Variants in CRPPA observed in about 807,000 individuals in gnomAD.
CRPPA encodes CDP-L-ribitol pyrophosphorylase A.
In CRPPA, 43 loss-of-function variants were observed where a neutral mutation model predicts 52.0. That is an observed-to-expected ratio of 0.83 (90% CI 0.65 to 1.07). The LOEUF (loss-of-function observed/expected upper bound fraction) is 1.07, where lower values mean the gene tolerates loss of function less well. Ranked by LOEUF, CRPPA falls within the 50% of genes least tolerant of loss-of-function variation. The pLI, the probability that CRPPA is intolerant of heterozygous loss-of-function variation, is 0.00. For synonymous variants in CRPPA, 250 were observed against 203.5 expected (o/e 1.23, Z -1.94); for missense variants, 629 against 551.7 (o/e 1.14, Z -1.40).
At position 16,271,467 on chromosome 7, in the gene CRPPA, T is replaced by G. The variant is rs141039536; in HGVS notation, c.933+6662A>C. Among the ~76,000 whole-genome samples, 571 of 152,256 alleles carry G rather than the reference T, an allele frequency of 3.8e-3. 5 individuals are homozygous for G. Among genetic ancestry groups the G allele is most frequent in the African/African-American group, 0.013 (530 of 41,564 alleles). ...ATGATAATAGTAGCAACGGTAACAG[T>G]AGAAGTGGTAAACTCAACATAAAAA... On this transcript the variant is annotated intron_variant, in intron 6 of 9. Transcript: ENST00000407010.
At chr7:16,382,476 T>C (rs532539371) in intron 2 of CRPPA, among the ~76,000 whole-genome samples, 1 of 152,268 alleles carries the variant, frequency 6.6e-6, no homozygotes, top group South Asian at 2.1e-4. Flanking sequence ...TATCTTGGAG[T>C]TGCTCTTCTT....
At chr7:16,330,995 G>T (rs1206856677) in intron 3 of CRPPA, among the ~76,000 whole-genome samples, 1 of 151,906 alleles carries the variant, frequency 6.6e-6, no homozygotes, top group Admixed American at 6.6e-5. Context: ...ATGTTTTTTT[G>T]TTTTGTTTTG....
At chr7:16,300,924 A>G (rs947120024) in intron 5 of CRPPA, among the ~76,000 whole-genome samples, 2 of 152,244 alleles carry the variant, frequency 1.3e-5, no homozygotes, top group African/African-American at 2.4e-5. Context: ...GTTATCACAC[A>G]TATGATATCT....
chr7:16,367,076 T>C (rs1786614980), intron 3 of CRPPA, among the ~76,000 whole-genome samples: 1 of 152,192 alleles, frequency 6.6e-6, no homozygotes, highest in Non-Finnish European at 1.5e-5. Context: ...TACTCATTTC[T>C]CTTTATAAAT....
At chr7:16,274,953 T>G (rs2128416924) in intron 6 of CRPPA, among the ~76,000 whole-genome samples, 1 of 152,122 alleles carries the variant, frequency 6.6e-6, no homozygotes, top group South Asian at 2.1e-4. Context: ...CATTATCTAC[T>G]ATAAAACCAA....
At chr7:16,131,752 T>C (rs1782684734) in intron 9 of CRPPA, among the ~76,000 whole-genome samples, 1 of 152,140 alleles carries the variant, frequency 6.6e-6, no homozygotes, top group Non-Finnish European at 1.5e-5. Context: ...AGCTAATTTT[T>C]GTAGTTTTTG....
intron 9 of CRPPA, among the ~76,000 whole-genome samples, chr7:16,170,013 A>C (rs976939538): frequency 3.3e-5 from 5 of 152,196 alleles, no homozygotes; most frequent in Non-Finnish European, 5.9e-5. Flanking sequence ...TTAATCTATT[A>C]GGTTGGTGCA....
intron 9 of CRPPA, among the ~76,000 whole-genome samples, chr7:16,167,703 T>C (rs1214092345): frequency 6.6e-6 from 1 of 152,254 alleles, no homozygotes; most frequent in South Asian, 2.1e-4. Context: ...AATATTTACA[T>C]TTCACGGACT....
intron 8 of CRPPA, chr7:16,237,308 G>C (rs912408577): frequency 6.6e-6 from 1 of 152,038 alleles, no homozygotes. Flanking sequence ...ATTTCTCACA[G>C]TTCTGGAAGT....
At chr7:16,416,371 A>T (rs2128320268) in intron 1 of CRPPA, among the ~76,000 whole-genome samples, 1 of 152,302 alleles carries the variant, frequency 6.6e-6, no homozygotes, top group East Asian at 1.9e-4. Context: ...AATTAACTCA[A>T]GATAGATTAA....
chr7:16,154,744 A>C (rs1783140550), intron 9 of CRPPA, among the ~76,000 whole-genome samples: 1 of 151,736 alleles, frequency 6.6e-6, no homozygotes, highest in Non-Finnish European at 1.5e-5. Context: ...AAATACTATT[A>C]ATTTTATTTT....
intron 8 of CRPPA, among the ~76,000 whole-genome samples, chr7:16,221,728 A>G (rs1782513143): frequency 6.6e-6 from 1 of 152,048 alleles, no homozygotes; most frequent in Non-Finnish European, 1.5e-5. Flanking sequence ...GAGAAATGCA[A>G]ATCAAAACCA....
intron 3 of CRPPA, among the ~76,000 whole-genome samples, chr7:16,308,938 T>A (rs1343920449): frequency 6.6e-6 from 1 of 152,196 alleles, no homozygotes; most frequent in East Asian, 1.9e-4. Flanking sequence ...TAAGTTACCT[T>A]TCCAAACATG....
At chr7:16,094,874 A>G (rs989602270) in intron 9 of CRPPA, among the ~76,000 whole-genome samples, 1 of 152,140 alleles carries the variant, frequency 6.6e-6, no homozygotes, top group African/African-American at 2.4e-5. Flanking sequence ...AAAAACAAGG[A>G]AAGTGTGAGA....
intron 9 of CRPPA, among the ~76,000 whole-genome samples, chr7:16,130,707 C>T (rs543080563): frequency 4.6e-5 from 7 of 152,120 alleles, no homozygotes; most frequent in Non-Finnish European, 8.8e-5. Context: ...AAAATTAGGT[C>T]CAGATGAATA....
intron 6 of CRPPA, 97 bp downstream of exon 6, chr7:16,278,032 A>C (rs1784245132): frequency 2.9e-6 from 2 of 693,714 alleles, no homozygotes; most frequent in Non-Finnish European, 5.1e-6. Context: ...CATTATGATT[A>C]AGGGATTTTT....
At chr7:16,095,466 C>A (rs547063766) in intron 9 of CRPPA, among the ~76,000 whole-genome samples, 10 of 152,188 alleles carry the variant, frequency 6.6e-5, no homozygotes, top group Admixed American at 5.2e-4. Flanking sequence ...ATAATAATAG[C>A]AGTTAGAATT....
At chr7:16,278,281 T>G in intron 5 of CRPPA, 55 bp from the exon 6 acceptor site, 2 of 847,732 alleles carry the variant, frequency 2.4e-6, no homozygotes, top group Non-Finnish European at 3.7e-6. Context: ...AACAAGGCCC[T>G]AGGATGCTGA....
chr7:16,407,134 C>A (rs1262869964), intron 1 of CRPPA, among the ~76,000 whole-genome samples: 2 of 152,146 alleles, frequency 1.3e-5, no homozygotes, highest in Non-Finnish European at 2.9e-5. Flanking sequence ...CGCCACCATG[C>A]CCAGCTAGTG....
Sources: allele counts gnomAD v4.1 joint callset (sites outside exome capture counted in the v4.1 genomes callset), GRCh38; gene constraint gnomAD v4.1.1; transcripts MANE v1.5; gene names NCBI Gene and HGNC (gene_info 2026-07-23, HGNC 2026-07-21).